Variants in GPM6A observed in about 807,000 individuals in gnomAD.
The protein encoded by GPM6A is neuronal membrane glycoprotein M6-a.
A neutral mutation model predicts 32.1 loss-of-function variants in GPM6A; 7 were observed. The ratio of observed to expected loss-of-function variants is 0.22; its 90% CI spans 0.12 to 0.41. The LOEUF (loss-of-function observed/expected upper bound fraction) is 0.41, where lower values mean the gene tolerates loss of function less well. GPM6A is among the 10% of genes least tolerant of loss of function. GPM6A has a pLI of 1.00. For missense variants in GPM6A, 235 were observed against 347.2 expected (o/e 0.68, Z 2.57); for synonymous variants, 130 against 123.4 (o/e 1.05, Z -0.35).
chr4:175,897,563 C>T (rs1465150009), intron 1 of GPM6A, among the ~76,000 whole-genome samples: 1 of 152,120 alleles, frequency 6.6e-6, no homozygotes, highest in Non-Finnish European at 1.5e-5. Context: ...ATTTATTGCA[C>T]AATGTTTCTA....
intron 1 of GPM6A, among the ~76,000 whole-genome samples, chr4:175,984,540 ATTC>A (rs977154110): frequency 2.0e-5 from 3 of 152,090 alleles, no homozygotes; most frequent in Non-Finnish European, 4.4e-5. Flanking sequence ...TTATTTATAT[ATTC>A]TTAACACTTA....
intron 1 of GPM6A, among the ~76,000 whole-genome samples, chr4:175,878,857 C>T (rs1737175609): frequency 1.3e-5 from 2 of 152,074 alleles, no homozygotes; most frequent in African/African-American, 2.4e-5. Context: ...GCTTTGCTTC[C>T]CTTTTAAATG....
At chr4:175,752,320 G>A (rs560812174) in intron 1 of GPM6A, among the ~76,000 whole-genome samples, 1 of 152,194 alleles carries the variant, frequency 6.6e-6, no homozygotes, top group South Asian at 2.1e-4. Flanking sequence ...TGACCCTGAT[G>A]TTATAATCTA....
intron 2 of GPM6A, among the ~76,000 whole-genome samples, chr4:175,692,684 C>G (rs1055228214): frequency 6.6e-6 from 1 of 151,850 alleles, no homozygotes; most frequent in African/African-American, 2.4e-5. Flanking sequence ...TATAGTATGT[C>G]AAATACATAA....
chr4:175,880,147 C>A (rs1297720931), intron 1 of GPM6A, among the ~76,000 whole-genome samples: 1 of 152,178 alleles, frequency 6.6e-6, no homozygotes, highest in East Asian at 1.9e-4. Context: ...ATAGGGAATC[C>A]TTTCCTCATT....
intron 1 of GPM6A, among the ~76,000 whole-genome samples, chr4:175,983,431 G>T (rs1043098618): frequency 2.0e-5 from 3 of 152,086 alleles, no homozygotes. Context: ...TTTTTAAAAT[G>T]TCCTTTAACA....
chr4:175,757,403 C>T (rs1414900071), intron 1 of GPM6A, among the ~76,000 whole-genome samples: 1 of 152,124 alleles, frequency 6.6e-6, no homozygotes, highest in Non-Finnish European at 1.5e-5. Flanking sequence ...TCAGAACCGT[C>T]TAGCCAAGCC....
intron 1 of GPM6A, among the ~76,000 whole-genome samples, chr4:175,805,030 G>A (rs920768375): frequency 2.6e-5 from 4 of 151,860 alleles, no homozygotes; most frequent in East Asian, 3.9e-4. Flanking sequence ...GGCGATGAGC[G>A]AGACTCCATC....
At chr4:175,804,518 A>C (rs1269486592) in intron 1 of GPM6A, among the ~76,000 whole-genome samples, 1 of 152,200 alleles carries the variant, frequency 6.6e-6, no homozygotes, top group African/African-American at 2.4e-5. Flanking sequence ...AAAGTCAAAG[A>C]ACATTTGATA....
chr4:175,791,425 T>C (rs1734009498), intron 1 of GPM6A, among the ~76,000 whole-genome samples: 1 of 152,212 alleles, frequency 6.6e-6, no homozygotes, highest in Non-Finnish European at 1.5e-5. Context: ...ACTTGCCATA[T>C]GCCACCCAGT....
At chr4:175,919,079 AG>A (rs764324683) in intron 1 of GPM6A, among the ~76,000 whole-genome samples, 11 of 152,182 alleles carry the variant, frequency 7.2e-5, no homozygotes, top group Non-Finnish European at 1.2e-4. Context: ...ACGATAAGAT[AG>A]GGTATCCTTT....
At chr4:175,937,164 T>G (rs1469600118) in intron 1 of GPM6A, among the ~76,000 whole-genome samples, 3 of 152,116 alleles carry the variant, frequency 2.0e-5, no homozygotes, top group African/African-American at 7.2e-5. Flanking sequence ...TTAATGTGCT[T>G]CTTCTTTGAC....
chr4:175,771,366 G>C (rs1733181187), intron 1 of GPM6A, among the ~76,000 whole-genome samples: 1 of 152,060 alleles, frequency 6.6e-6, no homozygotes, highest in South Asian at 2.1e-4. Flanking sequence ...GAGGTCAAGA[G>C]ATTGAGACCT....
At chr4:175,871,884 T>G (rs1736921903) in intron 1 of GPM6A, among the ~76,000 whole-genome samples, 2 of 152,322 alleles carry the variant, frequency 1.3e-5, no homozygotes, top group South Asian at 4.1e-4. Flanking sequence ...CTTCCAGATA[T>G]TCCCAAGGAG....
intron 6 of GPM6A, 86 bp from the exon 7 acceptor site, chr4:175,635,143 A>G (rs1174139418): frequency 2.2e-6 from 2 of 909,302 alleles, no homozygotes; most frequent in Admixed American, 2.4e-5. Context: ...TCTTCGAATT[A>G]TAGCTCTTTA....
At chr4:175,698,286 A>G (rs763951454) in intron 2 of GPM6A, among the ~76,000 whole-genome samples, 1 of 152,190 alleles carries the variant, frequency 6.6e-6, no homozygotes, top group Non-Finnish European at 1.5e-5. Context: ...TGAACTAAGT[A>G]TGAGAACTAT....
intron 3 of GPM6A, among the ~76,000 whole-genome samples, chr4:175,655,063 A>G (rs1245378142): frequency 6.6e-6 from 1 of 152,148 alleles, no homozygotes; most frequent in Non-Finnish European, 1.5e-5. Context: ...GCTACTTTAC[A>G]AGGCAATGAA....
At chr4:175,938,034 T>C (rs1489359566) in intron 1 of GPM6A, among the ~76,000 whole-genome samples, 1 of 152,136 alleles carries the variant, frequency 6.6e-6, no homozygotes, top group Admixed American at 6.6e-5. Context: ...AGAGTTTGAG[T>C]GTTAACTTTC....
At chr4:175,859,408 G>A (rs895686186) in intron 1 of GPM6A, among the ~76,000 whole-genome samples, 2 of 152,130 alleles carry the variant, frequency 1.3e-5, no homozygotes, top group Admixed American at 6.6e-5. Context: ...AAAAGGTAGA[G>A]GCAATGTAAT....
Sources: allele counts gnomAD v4.1 joint callset (sites outside exome capture counted in the v4.1 genomes callset), GRCh38; gene constraint gnomAD v4.1.1; transcripts MANE v1.5; gene names NCBI Gene and HGNC (gene_info 2026-07-23, HGNC 2026-07-21).